The following PHLDB2 variants were observed in gnomAD, a reference collection of about 807,000 sequenced individuals.
PHLDB2 encodes pleckstrin homology like domain family B member 2.
PHLDB2 carries 71 observed loss-of-function variants against 123.6 expected under a neutral mutation model. The observed-to-expected ratio is 0.57, with a 90% confidence interval of 0.47 to 0.70. The LOEUF (loss-of-function observed/expected upper bound fraction) is 0.70, where lower values mean the gene tolerates loss of function less well. PHLDB2 is among the 30% of genes least tolerant of loss of function. PHLDB2 has a pLI of 0.00. For missense variants in PHLDB2, 1,446 were observed against 1,519.5 expected (o/e 0.95, Z 0.80); for synonymous variants, 547 against 541.6 (o/e 1.01, Z -0.14).
At chr3:111,814,866 A>T (rs2062001892) in intron 1 of PHLDB2, among the ~76,000 whole-genome samples, 2 of 152,192 alleles carry the variant, frequency 1.3e-5, no homozygotes, top group Non-Finnish European at 2.9e-5. Flanking sequence ...TACAAAAGTG[A>T]TAATATGGTT....
At chr3:111,960,974 C>T (rs1329952145) in intron 12 of PHLDB2, among the ~76,000 whole-genome samples, 3 of 152,146 alleles carry the variant, frequency 2.0e-5, no homozygotes, top group Non-Finnish European at 4.4e-5. Context: ...GAGAGCAAGC[C>T]ATAGCAGTAA....
chr3:111,945,965 A>G (rs2070277788), intron 9 of PHLDB2, among the ~76,000 whole-genome samples: 1 of 152,086 alleles, frequency 6.6e-6, no homozygotes, highest in East Asian at 1.9e-4. Flanking sequence ...AAGGAACTAC[A>G]CTGCCACACT....
intron 12 of PHLDB2, among the ~76,000 whole-genome samples, chr3:111,961,082 C>A (rs956867502): frequency 5.3e-5 from 8 of 152,144 alleles, no homozygotes; most frequent in African/African-American, 1.4e-4. Flanking sequence ...CCTGTAATCC[C>A]AGCACTTTGG....
intron 1 of PHLDB2, among the ~76,000 whole-genome samples, chr3:111,829,754 G>A (rs1454840451): frequency 6.6e-6 from 1 of 151,886 alleles, no homozygotes; most frequent in Non-Finnish European, 1.5e-5. Flanking sequence ...GAGCCACCGC[G>A]CCCGACCAAC....
At chr3:111,815,194 C>T (rs2062019077) in intron 1 of PHLDB2, among the ~76,000 whole-genome samples, 1 of 152,084 alleles carries the variant, frequency 6.6e-6, no homozygotes, top group South Asian at 2.1e-4. Flanking sequence ...TGGTAAATTG[C>T]CCAGTCTCAG....
chr3:111,805,563 A>C (rs1056181129), intron 1 of PHLDB2, among the ~76,000 whole-genome samples: 3 of 149,852 alleles, frequency 2.0e-5, no homozygotes, highest in Admixed American at 1.3e-4. Context: ...TCCGTCTCAA[A>C]AAAAAAGAAA....
rs1481107255 is a variant in PHLDB2, at chr3:111,884,064, A to T, written c.-14A>T. 1.3e-6 allele frequency: 2 copies of T among 1,593,366 alleles called. No individual in the cohort carries two copies. Among genetic ancestry groups the T allele is most frequent in the Admixed American group, 3.7e-5 (2 of 54,528 alleles). On this transcript the variant is annotated splice_region_variant and 5_prime_UTR_variant, in exon 2 of 18. Coordinates refer to ENST00000431670, the MANE Select transcript of PHLDB2 (RefSeq NM_001134438.2). ...AATTTTCTGTTTTATTTCTTTACAG[A>T]TTCCAGCAAGATTATGGAAGAGCAT...
rs533465074 is a variant in PHLDB2, at chr3:111,785,276, T to C, written c.-49+52573T>C. Among the ~76,000 whole-genome samples, 4 of 152,278 alleles carry C rather than the reference T, an allele frequency of 2.6e-5. No individual in the cohort carries two copies. The South Asian group carries it at 8.3e-4, about 32-fold the overall frequency. ...TCATTGTTCTACTGATATTAGTCTA[T>C]TTCAGTTGATTCTCAAGGGCTCTTG... On this transcript the variant is annotated intron_variant, in intron 1 of 17. Transcript: ENST00000393923.
chr3:111,790,356 A>G (rs1381780147), intron 1 of PHLDB2, among the ~76,000 whole-genome samples: 1 of 152,068 alleles, frequency 6.6e-6, no homozygotes, highest in African/African-American at 2.4e-5. Context: ...GTTTACTCCA[A>G]CTCCTCAGGT....
chr3:111,911,601 C>G, intron 2 of PHLDB2: 1 of 1,535,464 alleles, frequency 6.5e-7, no homozygotes, highest in East Asian at 2.4e-5. Context: ...TACCAGGGCT[C>G]CTGGATGGAT....
chr3:111,849,919 TGGCGCGATCTC>T (rs1006778081), intron 2 of PHLDB2, among the ~76,000 whole-genome samples: 2 of 151,962 alleles, frequency 1.3e-5, no homozygotes, highest in African/African-American at 2.4e-5. Context: ...TAGAGTGCAG[TGGCGCGATCTC>T]GGCTCACTGC....
At chr3:111,761,165 CAG>C (rs1559817509) in intron 1 of PHLDB2, among the ~76,000 whole-genome samples, 2 of 132,464 alleles carry the variant, frequency 1.5e-5, no homozygotes, top group Non-Finnish European at 3.1e-5. Flanking sequence ...AGCCTAGCGA[CAG>C]AGTGAGACTC....
chr3:111,936,618 G>T (rs1026800946), intron 6 of PHLDB2, among the ~76,000 whole-genome samples: 10 of 152,070 alleles, frequency 6.6e-5, no homozygotes, highest in African/African-American at 2.4e-4. Context: ...TTCATGCAGT[G>T]GTTTAAGTAT....
At chr3:111,836,044 T>C (rs1185794743) in intron 1 of PHLDB2, among the ~76,000 whole-genome samples, 1 of 152,188 alleles carries the variant, frequency 6.6e-6, no homozygotes, top group Non-Finnish European at 1.5e-5. Flanking sequence ...GGGGCCATTT[T>C]TGTAATACAA....
At chr3:111,837,451 A>C (rs73226349) in intron 1 of PHLDB2, among the ~76,000 whole-genome samples, 1 of 152,138 alleles carries the variant, frequency 6.6e-6, no homozygotes, top group Non-Finnish European at 1.5e-5. Context: ...TGGGGTGCAT[A>C]GTAATTTCTG....
intron 3 of PHLDB2, chr3:111,916,172 G>A (rs1434463946): frequency 2.0e-5 from 3 of 152,170 alleles, no homozygotes; most frequent in Non-Finnish European, 2.9e-5. Context: ...GTGTAATTGT[G>A]GAATAGGAGG....
chr3:111,760,316 A>G (rs529612365), intron 1 of PHLDB2, among the ~76,000 whole-genome samples: 2 of 152,354 alleles, frequency 1.3e-5, no homozygotes, highest in East Asian at 3.9e-4. Flanking sequence ...GGACTGTAAG[A>G]TGGAATCCAA....
intron 16 of PHLDB2, among the ~76,000 whole-genome samples, chr3:111,970,289 G>A (rs2072080036): frequency 1.3e-5 from 2 of 151,848 alleles, no homozygotes; most frequent in African/African-American, 4.8e-5. Context: ...TGTATTTTAT[G>A]AAACATCACA....
intron 1 of PHLDB2, among the ~76,000 whole-genome samples, chr3:111,762,066 C>T (rs2060005969): frequency 6.6e-6 from 1 of 152,194 alleles, no homozygotes; most frequent in Non-Finnish European, 1.5e-5. Flanking sequence ...CCATCCGCCA[C>T]ATTCAGCTGA....
Sources: gnomAD v4.1 joint callset for allele counts (sites outside exome capture counted in the v4.1 genomes callset) on GRCh38, gnomAD v4.1.1 for gene constraint, MANE v1.5 for transcripts, NCBI Gene and HGNC (gene_info 2026-07-23, HGNC 2026-07-21) for gene names.